Variants in NOM1 observed in about 807,000 individuals in gnomAD.
NOM1 encodes nucleolar MIF4G domain-containing protein 1.
In NOM1, 58 loss-of-function variants were observed where a neutral mutation model predicts 73.3. The ratio of observed to expected loss-of-function variants is 0.79; its 90% CI spans 0.64 to 0.99. NOM1 has a LOEUF of 0.99. Ranked by LOEUF, NOM1 falls within the 50% of genes least tolerant of loss-of-function variation. The probability of loss-of-function intolerance (pLI) is 0.00; values close to 1 mark genes in which losing one functional copy is unlikely to be tolerated. For missense variants in NOM1, 1,226 were observed against 1,131.9 expected, an observed-to-expected ratio of 1.08 and a Z score of -1.19; for synonymous variants, 487 against 446.8, an observed-to-expected ratio of 1.09 and a Z score of -1.14.
chr7:156,966,117 C>G (rs1804989305), intron 7 of NOM1, 153 bp from the exon 8 acceptor site: 1 of 840,894 alleles, frequency 1.2e-6, no homozygotes, highest in African/African-American at 1.7e-5. Flanking sequence ...CAGGGCTGGG[C>G]CCCTAGCTGG....
chr7:156,950,676 TGAA>T lies in NOM1; in HGVS notation c.943_945del (p.Glu315del). The T allele has an allele frequency of 6.4e-7, 1 of 1,551,886 alleles. No homozygotes were observed. Among genetic ancestry groups the T allele is most frequent in the Non-Finnish European group, 8.7e-7 (1 of 1,147,082 alleles). ...GGAAGAGAGTCCGTTTTGCAGAAGATGAAGAAAAGAGTGAAAATTCCTCGGAGG... is the reference window on the plus strand; with the variant it reads ...GGAAGAGAGTCCGTTTTGCAGAAGATGAAAAGAGTGAAAATTCCTCGGAGG... On this transcript the variant is annotated inframe_deletion, in exon 1 of 11. Coordinates refer to ENST00000275820, the MANE Select transcript of NOM1 (RefSeq NM_138400.2).
chr7:156,960,124 G>T lies in NOM1; in HGVS notation c.1582G>T (p.Ala528Ser), dbSNP rs1466725828. 1.9e-6 allele frequency: 3 copies of T among 1,613,832 alleles called. No individual in the cohort carries two copies. The highest frequency in any genetic ancestry group is 1.3e-5 in the African/African-American group (1 of 74,870). ...ATCACTTAAGGAATTGATCACTGAA[G>T]CCCAGACCAAAGCCAGCGGGGCAGG... ...ALSLKELITE[A>S]QTKASGAGSE... The change falls in exon 4 of 11, where the codon GCC becomes TCC. Residue 528 changes from alanine (A) to serine (S), a missense_variant. Coordinates refer to ENST00000275820, the MANE Select transcript of NOM1 (RefSeq NM_138400.2).
intron 3 of NOM1, 25 bp from the exon 4 acceptor site, chr7:156,959,826 T>C: frequency 6.2e-7 from 1 of 1,606,444 alleles, no homozygotes; most frequent in African/African-American, 1.3e-5. Flanking sequence ...AATAACATAA[T>C]CTTTTTTCTG....
chr7:156,951,358 G>T (rs1456158818), intron 1 of NOM1, among the ~76,000 whole-genome samples: 1 of 152,064 alleles, frequency 6.6e-6, no homozygotes, highest in Non-Finnish European at 1.5e-5. Context: ...CTGCACTCTA[G>T]CCTGGGCGAG....
chr7:156,969,009 A>C (rs1805074731), intron 9 of NOM1, 78 bp from the exon 10 acceptor site: 2 of 791,070 alleles, frequency 2.5e-6, no homozygotes, highest in South Asian at 2.9e-5. Flanking sequence ...TTTTTACTCT[A>C]ATTAACTATA....
In NOM1 at chr7:156,959,834, C is replaced by T. The variant is rs1253776423; in HGVS notation, c.1309-17C>T. 4 of 1,607,134 alleles carry T rather than the reference C, an allele frequency of 2.5e-6. No homozygotes were observed. Among genetic ancestry groups the T allele is most frequent in the Admixed American group, 3.4e-5 (2 of 58,008 alleles). On this transcript the variant is annotated splice_polypyrimidine_tract_variant and intron_variant, in intron 3 of 10. Coordinates refer to ENST00000275820, the MANE Select transcript of NOM1 (RefSeq NM_138400.2). ...TTCTAGGAATAACATAATCTTTTTT[C>T]TGTGTGGTTCTTTCAGGTCGGTGCC... is the stretch of plus-strand genomic sequence containing the variant.
Position 156,950,569 on chromosome 7 carries a change from G to A in NOM1, c.832G>A (p.Ala278Thr), listed in dbSNP as rs755044233. The change falls in exon 1 of 11, where the codon GCG becomes ACG. Residue 278 changes from alanine (A) to threonine (T), a missense_variant. Physicochemically the swap from Ala to Thr is moderately conservative, Grantham distance 58 (BLOSUM62 0). Coordinates refer to ENST00000275820, the MANE Select transcript of NOM1 (RefSeq NM_138400.2). ...EKEKKAQEAE[A>T]QSEDDDEDTE... ...GGAAAAGAAGGCGCAGGAAGCAGAAGCGCAGAGCGAGGACGACGACGAGGA... is the reference window on the plus strand; with the variant it reads ...GGAAAAGAAGGCGCAGGAAGCAGAAACGCAGAGCGAGGACGACGACGAGGA... 10 of 1,606,890 alleles carry A rather than the reference G, an allele frequency of 6.2e-6. No individual in the cohort carries two copies. Among genetic ancestry groups the A allele is most frequent in the Non-Finnish European group, 7.7e-6 (9 of 1,176,144 alleles).
At chr7:156,958,081 T>C (rs1265299604) in intron 3 of NOM1, among the ~76,000 whole-genome samples, 1 of 152,236 alleles carries the variant, frequency 6.6e-6, no homozygotes, top group Non-Finnish European at 1.5e-5. Flanking sequence ...TCTGGATTCT[T>C]CTAGCGTTGA....
Position 156,962,203 on chromosome 7 carries a change from A to G in NOM1, c.1685A>G (p.Lys562Arg), listed in dbSNP as rs1804882205. The G allele has an allele frequency of 6.2e-7, 1 of 1,614,050 alleles. No homozygotes were observed. The highest frequency in any genetic ancestry group is 8.5e-7 in the Non-Finnish European group (1 of 1,180,018). Residue 562 changes from lysine (K) to arginine (R), a missense_variant, in exon 5 of 11, where the codon AAA becomes AGA. Lys to Arg is a conservative substitution (Grantham distance 26, BLOSUM62 2). Transcript: ENST00000275820. Reference sequence around the variant, plus strand: ...GCCCTGAAGAACAATGACATGCGCAAAATTCCAGGCTATGACCCCGAGCCC... The same window carrying G: ...GCCCTGAAGAACAATGACATGCGCAGAATTCCAGGCTATGACCCCGAGCCC... ...MLALKNNDMR[K>R]IPGYDPEPVE...
intron 5 of NOM1, 120 bp downstream of exon 5, chr7:156,962,381 G>A: frequency 1.2e-6 from 1 of 811,554 alleles, no homozygotes; most frequent in South Asian, 1.5e-5. Context: ...GAGTGAGAGT[G>A]CTCAGAGGCA....
intron 4 of NOM1, 136 bp from the exon 5 acceptor site, chr7:156,962,015 C>T: frequency 1.4e-6 from 1 of 710,484 alleles, no homozygotes; most frequent in South Asian, 1.6e-5. Flanking sequence ...ACTGTCTCTA[C>T]CTAAAGGCTG....
At chr7:156,956,301 A>G (rs1286310620) in intron 3 of NOM1, among the ~76,000 whole-genome samples, 1 of 152,150 alleles carries the variant, frequency 6.6e-6, no homozygotes, top group Non-Finnish European at 1.5e-5. Flanking sequence ...GCCTGAGTAC[A>G]AAACATGCTG....
Position 156,963,970 on chromosome 7 carries a change from A to C in NOM1, c.1977A>C (p.Ile659=), listed in dbSNP as rs752073441. Residue 659 remains isoleucine, a synonymous_variant, in exon 7 of 11, where the codon ATA becomes ATC. Transcript: ENST00000275820. ...QRMNTDIRRN[I]FCTIMTSEDF... is the part of the protein sequence containing the mutation. ...TGAACACAGACATCCGGAGAAACAT[A>C]TTCTGCACAATAATGACAAGTGAAG... 1.2e-6 allele frequency: 2 copies of C among 1,614,028 alleles called. No individual in the cohort carries two copies. Among genetic ancestry groups the C allele is most frequent in the Non-Finnish European group, 1.7e-6 (2 of 1,179,980 alleles).
intron 9 of NOM1, among the ~76,000 whole-genome samples, chr7:156,967,499 T>C (rs951859394): frequency 2.0e-5 from 3 of 152,160 alleles, no homozygotes; most frequent in Non-Finnish European, 4.4e-5. Context: ...TGCTGTGTTT[T>C]GGGACTTTGC....
rs3800868 is a variant in NOM1, at chr7:156,972,072, A to C, written c.*2369A>C. ...AAATAAGGAGCTTGGGCTAAGGTAT[A>C]AATCAACACACTGCTTCCTTCCTCC... On this transcript the variant is annotated 3_prime_UTR_variant, in exon 11 of 11. Transcript: ENST00000275820. 74,502 of 152,130 alleles carry C rather than the reference A, an allele frequency of 0.49. 18,867 individuals carry two copies. The highest frequency in any genetic ancestry group is 0.63 in the Middle Eastern group (184 of 294). 9.4% of individuals were successfully genotyped at this position (152,130 alleles called of 1,614,324 possible).
At chr7:156,961,139 C>T (rs1193510655) in intron 4 of NOM1, among the ~76,000 whole-genome samples, 1 of 152,116 alleles carries the variant, frequency 6.6e-6, no homozygotes, top group African/African-American at 2.4e-5. Context: ...AGCAGGTGGG[C>T]TGTGAAGAGG....
In NOM1 at chr7:156,950,027, G is replaced by T; in HGVS notation, c.290G>T (p.Arg97Leu). Residue 97 changes from arginine to leucine, a missense_variant, in exon 1 of 11, where the codon CGG becomes CTG. Arg to Leu is a moderately radical substitution (Grantham distance 102). Coordinates refer to ENST00000275820, the MANE Select transcript of NOM1 (RefSeq NM_138400.2). ...AAGCGGCACCTGCGGAAAGCACGCC[G>T]GCTGCAGAGGACGGCGGGCCCCGAA... ...KEKRHLRKAR[R>L]LQRTAGPEQG... 2 of 1,542,056 alleles carry T rather than the reference G, an allele frequency of 1.3e-6. No homozygotes were observed. Among genetic ancestry groups the T allele is most frequent in the South Asian group, 2.4e-5 (2 of 84,136 alleles).
At chr7:156,964,065 T>C (rs777121612) in intron 7 of NOM1, 39 bp downstream of exon 7, 1 of 1,592,396 alleles carries the variant, frequency 6.3e-7, no homozygotes, top group South Asian at 1.1e-5. Context: ...ATTAATGAGA[T>C]GCTGTAAAAT....
intron 1 of NOM1, among the ~76,000 whole-genome samples, 158 bp downstream of exon 1, chr7:156,950,882 C>T (rs547609400): frequency 6.6e-6 from 1 of 152,274 alleles, no homozygotes; most frequent in East Asian, 1.9e-4. Context: ...GGTCTTCTTT[C>T]ATGTTTTTAA....
Sources: allele counts gnomAD v4.1 joint callset (sites outside exome capture counted in the v4.1 genomes callset), GRCh38; gene constraint gnomAD v4.1.1; transcripts MANE v1.5; gene names NCBI Gene and HGNC (gene_info 2026-07-23, HGNC 2026-07-21).